The following CREB3L2 variants were observed in gnomAD, a reference collection of about 807,000 sequenced individuals.
CREB3L2 encodes the protein cAMP responsive element binding protein 3 like 2.
CREB3L2 carries 23 observed loss-of-function variants against 57.2 expected under a neutral mutation model. The ratio of observed to expected loss-of-function variants is 0.40; its 90% CI spans 0.29 to 0.57. CREB3L2 has a LOEUF of 0.57. CREB3L2 is among the 20% of genes least tolerant of loss of function. The pLI, the probability that CREB3L2 is intolerant of heterozygous loss-of-function variation, is 0.42. For missense variants in CREB3L2, 628 were observed against 634.7 expected, an observed-to-expected ratio of 0.99 and a Z score of 0.11; for synonymous variants, 268 against 265.1, an observed-to-expected ratio of 1.01 and a Z score of -0.11.
At chr7:137,967,637 C>A (rs1037921491) in intron 1 of CREB3L2, among the ~76,000 whole-genome samples, 1 of 152,178 alleles carries the variant, frequency 6.6e-6, no homozygotes, top group Non-Finnish European at 1.5e-5. Context: ...TCTGGCTCTT[C>A]GATTCTCTCC....
intron 10 of CREB3L2, chr7:137,884,367 C>A (rs1799365787): frequency 6.5e-6 from 1 of 153,918 alleles, no homozygotes; most frequent in Admixed American, 6.5e-5. Flanking sequence ...CTGCCTCAGC[C>A]TCCCCAGTAG....
rs187870009 is a variant in CREB3L2 at position 138,001,938 on chromosome 7, C to A, written c.-233G>T. ...AGAATCCCCAGGGACACGAGCCGGA[C>A]CAAAGGCTGCCGGGGCTAAAGCGGG... On this transcript the variant is annotated 5_prime_UTR_variant, in exon 1 of 12. Transcript: ENST00000330387. The surrounding 1 kb of genome is among the most constrained non-coding windows in gnomAD (Gnocchi z 4.2). 8.2e-4 allele frequency: 366 copies of A among 444,444 alleles called. No individual in the cohort carries two copies. The Middle Eastern group carries it at 0.013, about 16-fold the overall frequency. The allele number at this position is 444,444 out of a possible 1,614,324, so 27.5% of individuals were successfully genotyped here.
intron 1 of CREB3L2, among the ~76,000 whole-genome samples, chr7:137,978,371 A>G (rs577824566): frequency 6.6e-6 from 1 of 152,156 alleles, no homozygotes; most frequent in Non-Finnish European, 1.5e-5. Flanking sequence ...AAATTCCTAT[A>G]TGGTAAGGGT....
chr7:137,929,414 A>C (rs1194290973), intron 1 of CREB3L2, among the ~76,000 whole-genome samples: 2 of 152,132 alleles, frequency 1.3e-5, no homozygotes, highest in Non-Finnish European at 2.9e-5. Flanking sequence ...TAGGATATTT[A>C]GCAGCATTCC....
chr7:137,905,656 T>C (rs770366509), intron 6 of CREB3L2, 46 bp downstream of exon 6: 8 of 1,604,840 alleles, frequency 5.0e-6, no homozygotes, highest in Non-Finnish European at 6.0e-6. Flanking sequence ...GCTGACTCGA[T>C]TCTGCTCGTC....
At chr7:137,894,189 G>T (rs1478009950) in intron 8 of CREB3L2, among the ~76,000 whole-genome samples, 3 of 152,212 alleles carry the variant, frequency 2.0e-5, no homozygotes, top group Admixed American at 1.3e-4. Flanking sequence ...CAAGAAGCAG[G>T]TTTACTGATT....
chr7:137,972,712 A>AAAATAT (rs1563270135), intron 1 of CREB3L2, among the ~76,000 whole-genome samples: 1 of 34,114 alleles, frequency 2.9e-5, no homozygotes, highest in Non-Finnish European at 4.8e-5. Flanking sequence ...AAAAAAAAAA[A>AAAATAT]ATATATATAT....
chr7:137,961,732 A>C (rs1363796598), intron 1 of CREB3L2, among the ~76,000 whole-genome samples: 1 of 152,120 alleles, frequency 6.6e-6, no homozygotes, highest in South Asian at 2.1e-4. Flanking sequence ...GGCACACCTC[A>C]CAAGACTCTG....
At chr7:137,940,720 C>T (rs1335028556) in intron 1 of CREB3L2, among the ~76,000 whole-genome samples, 1 of 152,192 alleles carries the variant, frequency 6.6e-6, no homozygotes, top group Non-Finnish European at 1.5e-5. Flanking sequence ...AGGTATGAAA[C>T]ACTAACGGGC....
intron 1 of CREB3L2, among the ~76,000 whole-genome samples, chr7:137,947,241 G>A (rs1337729567): frequency 6.6e-6 from 1 of 151,560 alleles, no homozygotes; most frequent in Non-Finnish European, 1.5e-5. Context: ...AGAATCACGA[G>A]ACATACATTT....
chr7:137,902,827 G>C (rs1799792569), intron 7 of CREB3L2, among the ~76,000 whole-genome samples: 1 of 150,498 alleles, frequency 6.6e-6, no homozygotes, highest in Admixed American at 6.6e-5. Context: ...TTTTGGCTTT[G>C]GTTTTTTGAG....
rs915360170 is a variant in CREB3L2 at position 137,957,589 on chromosome 7, C to G, written c.103-29223G>C. 4 of 374,626 alleles carry G rather than the reference C, an allele frequency of 1.1e-5. No homozygotes were observed. In the Admixed American group the frequency reaches 1.1e-4, roughly 11 times the overall value. The allele number at this position is 374,626 out of a possible 1,614,324, so 23.2% of individuals were successfully genotyped here. A position where few individuals can be genotyped will look rare whatever the true frequency, so the allele number is the denominator to read the frequency against. On this transcript the variant is annotated intron_variant, in intron 1 of 11. Transcript: ENST00000330387. ...AATACAGTAACTCCAAACTCAACAA[C>G]TAGGCCCAGCCCCTCAACTAGTAAA...
intron 7 of CREB3L2, 62 bp downstream of exon 7, chr7:137,903,886 CCCGATTCTCCG>C: frequency 7.7e-7 from 1 of 1,299,020 alleles, no homozygotes; most frequent in Non-Finnish European, 1.1e-6. Context: ...ACTGCTTCTC[CCCGATTCTCCG>C]CACACCCATA....
intron 8 of CREB3L2, among the ~76,000 whole-genome samples, chr7:137,897,330 A>G (rs1799649212): frequency 6.6e-6 from 1 of 152,206 alleles, no homozygotes. Context: ...GTAACAGCAG[A>G]CTGTCAGGGA....
Position 137,901,414 on chromosome 7 carries a change from G to A in CREB3L2, c.983C>T (p.Ser328Phe), listed in dbSNP as rs766016698. Residue 328 changes from serine (S) to phenylalanine (F), a missense_variant, in exon 8 of 12, where the codon TCT (serine) becomes TTT (phenylalanine). Transcript: ENST00000330387. Reference protein sequence around the residue: ...YMDSLEKKVESCSTENLELRK... With the variant: ...YMDSLEKKVEFCSTENLELRK... Reference sequence around the variant, plus strand: ...AAGCTCCAAGTTCTCAGTTGAACAAGACTCCACTCTACAAAGGAGGGAGAA... The same window carrying A: ...AAGCTCCAAGTTCTCAGTTGAACAAAACTCCACTCTACAAAGGAGGGAGAA... 5.0e-6 allele frequency: 8 copies of A among 1,602,688 alleles called. No individual in the cohort carries two copies. Among genetic ancestry groups the A allele is most frequent in the Non-Finnish European group, 6.0e-6 (7 of 1,170,034 alleles).
intron 1 of CREB3L2, among the ~76,000 whole-genome samples, chr7:137,947,915 C>T (rs1801025908): frequency 2.0e-5 from 3 of 152,304 alleles, no homozygotes; most frequent in South Asian, 4.1e-4. Context: ...TATAACTGTG[C>T]CAGGCCTCCT....
intron 8 of CREB3L2, among the ~76,000 whole-genome samples, chr7:137,894,020 G>A (rs184732206): frequency 3.3e-5 from 5 of 152,290 alleles, no homozygotes; most frequent in Non-Finnish European, 5.9e-5. Flanking sequence ...GCTCCACACC[G>A]TTGGAGAGAG....
At chr7:137,921,765 T>C (rs547343089) in intron 2 of CREB3L2, among the ~76,000 whole-genome samples, 1 of 152,346 alleles carries the variant, frequency 6.6e-6, no homozygotes, top group South Asian at 2.1e-4. Context: ...CTTTTATTCC[T>C]AAGCACAGTT....
intron 1 of CREB3L2, among the ~76,000 whole-genome samples, chr7:137,996,322 T>C (rs1801988040): frequency 6.6e-6 from 1 of 152,288 alleles, no homozygotes; most frequent in Middle Eastern, 3.4e-3. Flanking sequence ...ACACTTGATG[T>C]CTAAGAAAGG....
Sources: gnomAD v4.1 joint callset for allele counts (sites outside exome capture counted in the v4.1 genomes callset) on GRCh38, gnomAD v4.1.1 for gene constraint, Gnocchi (gnomAD v3.1) non-coding constraint, MANE v1.5 for transcripts, NCBI Gene and HGNC (gene_info 2026-07-23, HGNC 2026-07-21) for gene names.